The following CCDC171 variants were observed in gnomAD, a reference collection of about 807,000 sequenced individuals.
CCDC171 encodes coiled-coil domain-containing protein 171.
CCDC171 carries 177 observed loss-of-function variants against 168.2 expected under a neutral mutation model. The ratio of observed to expected loss-of-function variants is 1.05; its 90% CI spans 0.93 to 1.19. CCDC171 has a LOEUF of 1.19. Ranked by LOEUF, CCDC171 falls within the 50% of genes most tolerant of loss-of-function variation. The pLI is 0.00. For missense variants in CCDC171, 1,991 were observed against 1,539.0 expected (o/e 1.29, Z -4.91); for synonymous variants, 687 against 540.8 (o/e 1.27, Z -3.75).
Position 15,934,486 on chromosome 9 carries a change from G to A in CCDC171, c.3753+14064G>A, listed in dbSNP as rs536161977. Reference sequence around the variant, plus strand: ...TGAGATGCCACTTTACACCCACTAGGATGGTCATAATTAAAGGAAGATAAC... The same window carrying A: ...TGAGATGCCACTTTACACCCACTAGAATGGTCATAATTAAAGGAAGATAAC... On this transcript the variant is annotated intron_variant, in intron 25 of 25. Transcript: ENST00000380701. 3.3e-5 allele frequency among the ~76,000 whole-genome samples: 5 copies of A among 151,904 alleles called. No homozygotes were observed. The South Asian group carries it at 1.0e-3, about 32-fold the overall frequency.
intron 1 of CCDC171, among the ~76,000 whole-genome samples, chr9:15,560,196 A>T (rs1377720176): frequency 6.6e-6 from 1 of 151,940 alleles, no homozygotes; most frequent in Admixed American, 6.6e-5. Context: ...GAATCTGACA[A>T]TTATGTGTCT....
At position 16,013,171 on chromosome 9, in the gene CCDC171, T is replaced by C. The variant is rs1054616804; in HGVS notation, n.369-7418T>C. ...TCCAGTATTCAAAACCACAGAATAA[T>C]ATCTGAGTGGATCTTACTCTCCTTG... On this transcript the variant is annotated intron_variant and non_coding_transcript_variant, in intron 3 of 9. Coordinates refer to the CCDC171 transcript ENST00000486641. 7.1e-4 allele frequency among the ~76,000 whole-genome samples: 108 copies of C among 152,172 alleles called. 1 individual carries two copies. Among genetic ancestry groups the C allele is most frequent in the African/African-American group, 2.4e-3 (99 of 41,450 alleles).
chr9:15,628,880 C>T (rs925535515), intron 7 of CCDC171, among the ~76,000 whole-genome samples: 14 of 152,152 alleles, frequency 9.2e-5, no homozygotes, highest in Non-Finnish European at 1.9e-4. Flanking sequence ...CACGAAAATC[C>T]GCTGTTCTGC....
chr9:16,104,206 C>T, the CCDC171 span, among the ~76,000 whole-genome samples: 2 of 152,140 alleles, frequency 1.3e-5, no homozygotes, highest in Admixed American at 1.3e-4. Context: ...ACAGTCCTCT[C>T]AGAAAAGCCC....
At chr9:15,615,877 C>T (rs1277652238) in intron 6 of CCDC171, among the ~76,000 whole-genome samples, 1 of 151,740 alleles carries the variant, frequency 6.6e-6, no homozygotes, top group East Asian at 1.9e-4. Flanking sequence ...CTCCTAGGCA[C>T]AAGTGATCCT....
chr9:15,813,234 T>C (rs1346329325), intron 21 of CCDC171, among the ~76,000 whole-genome samples: 11 of 152,244 alleles, frequency 7.2e-5, no homozygotes, highest in African/African-American at 2.7e-4. Flanking sequence ...AAATTTCCCA[T>C]GTACAATAAC....
intron 24 of CCDC171, among the ~76,000 whole-genome samples, chr9:15,909,217 A>G (rs914219301): frequency 6.6e-6 from 1 of 152,192 alleles, no homozygotes; most frequent in Non-Finnish European, 1.5e-5. Flanking sequence ...CTACCTGTTT[A>G]TGCTGAGCTT....
intron 16 of CCDC171, among the ~76,000 whole-genome samples, chr9:15,743,908 T>A (rs902697436): frequency 6.6e-6 from 1 of 152,196 alleles, no homozygotes. Context: ...AAAGTAGAAA[T>A]GAAGAATTAG....
At chr9:15,976,850 A>G (rs559468536), downstream of CCDC171, among the ~76,000 whole-genome samples, 255 of 152,256 alleles carry the variant, frequency 1.7e-3, 1 homozygote, top group Non-Finnish European at 2.7e-3. Context: ...GTGAAAGCAT[A>G]TAATTTTTCC....
At chr9:15,995,098 C>G (rs1004539538) in intron 3 of CCDC171, among the ~76,000 whole-genome samples, 1 of 152,174 alleles carries the variant, frequency 6.6e-6, no homozygotes, top group Non-Finnish European at 1.5e-5. Context: ...AAAACCCACA[C>G]CCACGCCTCT....
chr9:15,890,802 A>G (rs1350467379), intron 24 of CCDC171, among the ~76,000 whole-genome samples: 1 of 152,144 alleles, frequency 6.6e-6, no homozygotes, highest in Non-Finnish European at 1.5e-5. Flanking sequence ...TCAGAGTGAT[A>G]TAGTTTAACA....
intron 4 of CCDC171, among the ~76,000 whole-genome samples, chr9:15,580,786 G>T (rs1223856543): frequency 6.6e-6 from 1 of 152,130 alleles, no homozygotes; most frequent in African/African-American, 2.4e-5. Flanking sequence ...TGGTGGGAAT[G>T]TAAATTAGTA....
chr9:16,019,767 C>G (rs1410169463), intron 3 of CCDC171, among the ~76,000 whole-genome samples: 1 of 152,124 alleles, frequency 6.6e-6, no homozygotes, highest in Non-Finnish European at 1.5e-5. Flanking sequence ...GTAACTGAAT[C>G]AGGTCATTAA....
chr9:15,791,097 T>C (rs1005543349), intron 21 of CCDC171, among the ~76,000 whole-genome samples: 1 of 152,170 alleles, frequency 6.6e-6, no homozygotes, highest in Non-Finnish European at 1.5e-5. Flanking sequence ...TTTGGTTCCA[T>C]ATGAACTTTG....
chr9:16,024,893 T>G (rs111620611), intron 6 of CCDC171, among the ~76,000 whole-genome samples: 2,379 of 152,318 alleles, frequency 0.016, 60 homozygotes, highest in African/African-American at 0.053. Context: ...GCTATTTGGA[T>G]AACCAATCAT....
intron 9 of CCDC171, among the ~76,000 whole-genome samples, chr9:15,667,559 T>C (rs901488152): frequency 6.6e-6 from 1 of 152,032 alleles, no homozygotes; most frequent in African/African-American, 2.4e-5. Context: ...GGCAGAAGAA[T>C]CACCTGAACC....
intron 21 of CCDC171, among the ~76,000 whole-genome samples, chr9:15,792,795 G>T (rs1246881924): frequency 4.6e-5 from 7 of 152,104 alleles, no homozygotes; most frequent in Admixed American, 3.3e-4. Flanking sequence ...TCACCACTAG[G>T]CCTGCCCTGC....
chr9:15,793,094 A>G (rs896653554), intron 21 of CCDC171, among the ~76,000 whole-genome samples: 1 of 152,188 alleles, frequency 6.6e-6, no homozygotes, highest in African/African-American at 2.4e-5. Context: ...ACGTGCAGAG[A>G]CACACATAGG....
At chr9:16,108,873 C>T in the CCDC171 span, among the ~76,000 whole-genome samples, 1 of 152,048 alleles carries the variant, frequency 6.6e-6, no homozygotes, top group African/African-American at 2.4e-5. Flanking sequence ...CCTGCAGAAA[C>T]GTGAGCCAAA....
Sources: allele counts gnomAD v4.1 joint callset (sites outside exome capture counted in the v4.1 genomes callset), GRCh38; gene constraint gnomAD v4.1.1; transcripts MANE v1.5; gene names NCBI Gene and HGNC (gene_info 2026-07-23, HGNC 2026-07-21).